The following SEPTIN7 variants were observed in gnomAD, a reference collection of about 807,000 sequenced individuals.
The protein encoded by SEPTIN7 is septin 7.
A neutral mutation model predicts 63.3 loss-of-function variants in SEPTIN7; 10 were observed. That is an observed-to-expected ratio of 0.16 (90% CI 0.10 to 0.27). The LOEUF is 0.27. Among genes scored for constraint, SEPTIN7 ranks in the 10% least tolerant of loss-of-function variants. SEPTIN7 has a pLI of 1.00. For synonymous variants in SEPTIN7, 131 were observed against 165.3 expected (o/e 0.79, Z 1.59); for missense variants, 310 against 521.0 (o/e 0.59, Z 3.94).
chr7:35,880,476 C>G (rs892091950), intron 7 of SEPTIN7, among the ~76,000 whole-genome samples: 1 of 151,554 alleles, frequency 6.6e-6, no homozygotes, highest in African/African-American at 2.4e-5. Context: ...TTTTATTTTC[C>G]CGAAAGGCTG....
chr7:35,874,194 C>G (rs1030323586), intron 6 of SEPTIN7: 1 of 156,094 alleles, frequency 6.4e-6, no homozygotes, highest in African/African-American at 2.4e-5. Context: ...AAAACACTTG[C>G]ATGCCAATGT....
At chr7:35,881,525 G>A (rs79940669) in intron 7 of SEPTIN7, among the ~76,000 whole-genome samples, 2,221 of 146,712 alleles carry the variant, frequency 0.015, 51 homozygotes, top group African/African-American at 0.052. Flanking sequence ...ATATAGGTAC[G>A]TACCCTAATT....
At chr7:35,852,795 G>T (rs1450889611) in intron 3 of SEPTIN7, among the ~76,000 whole-genome samples, 1 of 152,102 alleles carries the variant, frequency 6.6e-6, no homozygotes, top group Non-Finnish European at 1.5e-5. Flanking sequence ...TGAGGTACTT[G>T]ACTTGAGTCA....
At chr7:35,813,828 C>T (rs1045882698) in intron 1 of SEPTIN7, among the ~76,000 whole-genome samples, 34 of 152,212 alleles carry the variant, frequency 2.2e-4, no homozygotes, top group South Asian at 6.2e-4. Context: ...ATTTCACATT[C>T]GATAGTGTAT....
At chr7:35,825,136 A>G (rs1197701600) in intron 1 of SEPTIN7, among the ~76,000 whole-genome samples, 1 of 152,114 alleles carries the variant, frequency 6.6e-6, no homozygotes, top group East Asian at 1.9e-4. Flanking sequence ...TTCATCATCA[A>G]TATTCTTGTC....
intron 1 of SEPTIN7, among the ~76,000 whole-genome samples, chr7:35,803,632 TTAA>T (rs1788139992): frequency 6.6e-6 from 1 of 152,248 alleles, no homozygotes; most frequent in Non-Finnish European, 1.5e-5. Flanking sequence ...ACATTTTGAA[TTAA>T]TAAGCTATCT....
chr7:35,903,316 C>A, intron 13 of SEPTIN7, 101 bp downstream of exon 13: 1 of 1,413,562 alleles, frequency 7.1e-7, no homozygotes, highest in Non-Finnish European at 9.3e-7. Flanking sequence ...AAAAAGTCAT[C>A]ACCCATTATC....
intron 10 of SEPTIN7, among the ~76,000 whole-genome samples, chr7:35,888,484 T>A (rs1194413372): frequency 6.6e-6 from 1 of 152,064 alleles, no homozygotes. Context: ...TTAGGACCTT[T>A]AACGATTTTT....
rs1788313150 is a variant in SEPTIN7 at position 35,901,404 on chromosome 7, T to C, written c.1135-1672T>C. The C allele has an allele frequency of 2.0e-5, 3 of 152,232 alleles. No homozygotes were observed. The South Asian group carries it at 6.2e-4, about 32-fold the overall frequency. 9.4% of individuals were successfully genotyped at this position (152,232 alleles called of 1,614,324 possible). ...TAATCCTACATATTGTGAATATTTA[T>C]ATATTTTACTGAAACAAATAAAAAG... is the stretch of plus-strand genomic sequence containing the variant. On this transcript the variant is annotated intron_variant, in intron 12 of 13. Coordinates refer to ENST00000350320, the MANE Select transcript of SEPTIN7 (RefSeq NM_001788.6).
At chr7:35,869,511 G>A (rs1786019697) in intron 4 of SEPTIN7, among the ~76,000 whole-genome samples, 2 of 152,154 alleles carry the variant, frequency 1.3e-5, no homozygotes, top group South Asian at 4.1e-4. Flanking sequence ...TGAAGGTAGA[G>A]GTAGGCTCTT....
At chr7:35,911,467 T>A (rs1788739050), downstream of SEPTIN7, among the ~76,000 whole-genome samples, 1 of 152,156 alleles carries the variant, frequency 6.6e-6, no homozygotes, top group Non-Finnish European at 1.5e-5. Flanking sequence ...CGTACTTGTT[T>A]AGGAAGATTG....
chr7:35,807,056 T>C (rs1788390047), intron 1 of SEPTIN7, among the ~76,000 whole-genome samples: 1 of 152,226 alleles, frequency 6.6e-6, no homozygotes. Flanking sequence ...TTTGTAAACT[T>C]TGTTCATTGA....
chr7:35,834,020 G>T (rs1472259726), intron 3 of SEPTIN7, among the ~76,000 whole-genome samples: 1 of 152,002 alleles, frequency 6.6e-6, no homozygotes, highest in Non-Finnish European at 1.5e-5. Flanking sequence ...TTGTTGAGTA[G>T]AAGTATGGTA....
chr7:35,829,297 T>C (rs866014650), intron 1 of SEPTIN7, among the ~76,000 whole-genome samples: 2 of 151,760 alleles, frequency 1.3e-5, no homozygotes, highest in African/African-American at 4.8e-5. Flanking sequence ...ACATTGTCAG[T>C]CCCGGCTAAT....
At chr7:35,874,881 C>A (rs1786381606) in intron 6 of SEPTIN7, among the ~76,000 whole-genome samples, 1 of 152,112 alleles carries the variant, frequency 6.6e-6, no homozygotes, top group Non-Finnish European at 1.5e-5. Flanking sequence ...AAAGTAATCT[C>A]AAAAATACAA....
chr7:35,885,159 A>G (rs1366043096), intron 9 of SEPTIN7, among the ~76,000 whole-genome samples: 1 of 151,980 alleles, frequency 6.6e-6, no homozygotes, highest in African/African-American at 2.4e-5. Flanking sequence ...GTTTATTTTG[A>G]ACAATTCTTT....
chr7:35,874,032 T>G, intron 6 of SEPTIN7: 1 of 341,280 alleles, frequency 2.9e-6, no homozygotes, highest in Non-Finnish European at 5.3e-6. Flanking sequence ...CCACCATGGT[T>G]TGAGGTCTCA....
chr7:35,913,803 C>T, the SEPTIN7 span, among the ~76,000 whole-genome samples: 1 of 152,082 alleles, frequency 6.6e-6, no homozygotes, highest in Non-Finnish European at 1.5e-5. Flanking sequence ...TTGCCTAGTC[C>T]AGTCTCAAAC....
At chr7:35,830,602 T>C (rs183429194) in intron 1 of SEPTIN7, among the ~76,000 whole-genome samples, 30 of 152,302 alleles carry the variant, frequency 2.0e-4, no homozygotes, top group Admixed American at 1.6e-3. Context: ...CGGAAGTCAT[T>C]GGATGATTTT....
Sources: gnomAD v4.1 joint callset for allele counts (sites outside exome capture counted in the v4.1 genomes callset) on GRCh38, gnomAD v4.1.1 for gene constraint, MANE v1.5 for transcripts, NCBI Gene and HGNC (gene_info 2026-07-23, HGNC 2026-07-21) for gene names.